NFYC: variants seen among roughly 807,000 people sequenced by gnomAD.
The protein encoded by NFYC is CAAT box DNA-binding protein subunit C.
NFYC carries 25 observed loss-of-function variants against 53.1 expected under a neutral mutation model. The observed-to-expected ratio is 0.47, with a 90% confidence interval of 0.34 to 0.66. NFYC has a LOEUF of 0.66. NFYC is among the 30% of genes least tolerant of loss of function. NFYC has a pLI of 0.01. For synonymous variants in NFYC, 145 were observed against 152.6 expected (o/e 0.95, Z 0.37); for missense variants, 260 against 422.7 (o/e 0.62, Z 3.38).
intron 6 of NFYC, among the ~76,000 whole-genome samples, chr1:40,760,953 A>G (rs1377820117): frequency 7.2e-5 from 11 of 152,132 alleles, no homozygotes; most frequent in Admixed American, 7.2e-4. Flanking sequence ...TACCTGCCAA[A>G]GGCTTTATCC....
intron 2 of NFYC, among the ~76,000 whole-genome samples, chr1:40,746,577 T>C (rs1309701469): frequency 6.6e-6 from 1 of 152,208 alleles, no homozygotes; most frequent in Admixed American, 6.5e-5. Flanking sequence ...AGACCACTTA[T>C]AGAATCAATC....
At chr1:40,760,730 A>C (rs538949494) in intron 6 of NFYC, among the ~76,000 whole-genome samples, 4 of 151,830 alleles carry the variant, frequency 2.6e-5, no homozygotes, top group Non-Finnish European at 4.4e-5. Flanking sequence ...AAAAAAAAAA[A>C]GGTAATTATG....
intron 1 of NFYC, among the ~76,000 whole-genome samples, chr1:40,728,887 C>T (rs1283495867): frequency 1.3e-5 from 2 of 152,212 alleles, no homozygotes; most frequent in East Asian, 3.9e-4. Context: ...ATCCGCCCGC[C>T]TTGGCCTCCC....
intron 1 of NFYC, among the ~76,000 whole-genome samples, chr1:40,717,151 A>G (rs753563384): frequency 1.6e-4 from 25 of 151,898 alleles, no homozygotes; most frequent in Non-Finnish European, 3.1e-4. Flanking sequence ...GGGGACAAAC[A>G]GGAGAGAATC....
At chr1:40,700,009 A>C (rs1387975515) in intron 1 of NFYC, among the ~76,000 whole-genome samples, 1 of 152,220 alleles carries the variant, frequency 6.6e-6, no homozygotes, top group Non-Finnish European at 1.5e-5. Context: ...ACACCTAATA[A>C]ACGTTTCATG....
At chr1:40,718,411 C>T (rs1297598202) in intron 1 of NFYC, among the ~76,000 whole-genome samples, 1 of 152,188 alleles carries the variant, frequency 6.6e-6, no homozygotes, top group Non-Finnish European at 1.5e-5. Context: ...ACTAATTCTT[C>T]CTCCTACCTT....
chr1:40,716,563 T>A (rs1421232385), intron 1 of NFYC, among the ~76,000 whole-genome samples: 1 of 152,126 alleles, frequency 6.6e-6, no homozygotes, highest in Non-Finnish European at 1.5e-5. Context: ...TGGTGACCAT[T>A]GAAAATCTGG....
chr1:40,722,516 GTCTT>G (rs1644363506), intron 1 of NFYC, among the ~76,000 whole-genome samples: 2 of 152,182 alleles, frequency 1.3e-5, no homozygotes, highest in Admixed American at 6.5e-5. Flanking sequence ...AAGCTAGTTG[GTCTT>G]TAGGCTCGGT....
chr1:40,753,289 C>T, intron 5 of NFYC, 43 bp downstream of exon 5: 1 of 1,328,000 alleles, frequency 7.5e-7, no homozygotes, highest in Non-Finnish European at 1.1e-6. Context: ...CTGAAGAGCG[C>T]TTTGTATACT....
intron 1 of NFYC, among the ~76,000 whole-genome samples, chr1:40,694,388 G>A (rs187174957): frequency 5.9e-5 from 9 of 152,344 alleles, no homozygotes; most frequent in Admixed American, 4.6e-4. Flanking sequence ...CAGTGAGTTG[G>A]AAATCTTAAT....
intron 1 of NFYC, among the ~76,000 whole-genome samples, chr1:40,736,291 GA>G (rs200245528): frequency 1.0e-4 from 15 of 149,998 alleles, no homozygotes; most frequent in South Asian, 4.2e-4. Context: ...AAAAGGGAAG[GA>G]AAAAAAAAGA....
At position 40,770,326 on chromosome 1, in the gene NFYC, A is replaced by T; in HGVS notation, c.889-383A>T. The T allele has an allele frequency of 7.0e-7, 1 of 1,423,868 alleles. No individual in the cohort carries two copies. Among genetic ancestry groups the T allele is most frequent in the Non-Finnish European group, 9.5e-7 (1 of 1,052,678 alleles). The allele number at this position is 1,423,868 out of a possible 1,614,324, so 88.2% of individuals were successfully genotyped here. ...CCTACTGCCCCTGCCAGTGTAGATT[A>T]CCAAGAGTTGGGGAAATGCTGACTT... is the stretch of plus-strand genomic sequence containing the variant. On this transcript the variant is annotated intron_variant, in intron 9 of 9. Coordinates refer to ENST00000447388, the MANE Select transcript of NFYC (RefSeq NM_014223.5). The surrounding 1 kb of genome is among the most constrained non-coding windows in gnomAD (Gnocchi z 5.3).
intron 1 of NFYC, among the ~76,000 whole-genome samples, chr1:40,731,142 C>A (rs1644751013): frequency 6.6e-6 from 1 of 152,128 alleles, no homozygotes; most frequent in Non-Finnish European, 1.5e-5. Flanking sequence ...CTTCAATCAT[C>A]TGCAACCCTG....
intron 1 of NFYC, among the ~76,000 whole-genome samples, chr1:40,727,300 T>C (rs1644560987): frequency 6.6e-6 from 1 of 152,178 alleles, no homozygotes; most frequent in Non-Finnish European, 1.5e-5. Context: ...CTTGGCTCAC[T>C]GCAGCCCTGA....
chr1:40,732,913 C>T (rs1471191341), intron 1 of NFYC, among the ~76,000 whole-genome samples: 1 of 151,702 alleles, frequency 6.6e-6, no homozygotes, highest in African/African-American at 2.4e-5. Context: ...AGTCCTGGAG[C>T]TCATTTAGTC....
chr1:40,699,515 A>G (rs1443336630), intron 1 of NFYC, among the ~76,000 whole-genome samples: 3 of 152,236 alleles, frequency 2.0e-5, no homozygotes, highest in African/African-American at 7.2e-5. Flanking sequence ...CCTGAAAGTA[A>G]GTAGCATAGA....
At chr1:40,760,373 C>T (rs904549688) in intron 6 of NFYC, among the ~76,000 whole-genome samples, 5 of 152,188 alleles carry the variant, frequency 3.3e-5, no homozygotes, top group African/African-American at 1.2e-4. Context: ...TGGAGACCAG[C>T]CTGGGCAATA....
chr1:40,704,986 A>G (rs905798402), intron 1 of NFYC, among the ~76,000 whole-genome samples: 1 of 152,236 alleles, frequency 6.6e-6, no homozygotes, highest in African/African-American at 2.4e-5. Flanking sequence ...TCTATAAATC[A>G]AGGAAGTTGA....
intron 1 of NFYC, among the ~76,000 whole-genome samples, chr1:40,714,667 T>C (rs956208266): frequency 1.3e-5 from 2 of 151,994 alleles, no homozygotes; most frequent in African/African-American, 4.8e-5. Flanking sequence ...CAGGCTAGAG[T>C]GTAGTGGTGT....
Sources: gnomAD v4.1 joint callset for allele counts (sites outside exome capture counted in the v4.1 genomes callset) on GRCh38, gnomAD v4.1.1 for gene constraint, Gnocchi (gnomAD v3.1) non-coding constraint, MANE v1.5 for transcripts, NCBI Gene and HGNC (gene_info 2026-07-23, HGNC 2026-07-21) for gene names.